TRIM71: variants seen among roughly 807,000 people sequenced by gnomAD.
TRIM71 encodes E3 ubiquitin-protein ligase TRIM71.
In TRIM71, 9 loss-of-function variants were observed where a neutral mutation model predicts 61.2. The ratio of observed to expected loss-of-function variants is 0.15; its 90% CI spans 0.09 to 0.26. The LOEUF (loss-of-function observed/expected upper bound fraction) is 0.26, where lower values mean the gene tolerates loss of function less well. Ranked by LOEUF, TRIM71 falls within the 10% of genes least tolerant of loss-of-function variation. The pLI is 1.00. For synonymous variants in TRIM71, 645 were observed against 553.2 expected (o/e 1.17, Z -2.33); for missense variants, 998 against 1,238.7 (o/e 0.81, Z 2.92).
chr3:32,831,545 TTTTTTTTTTTTGAGACAGA>T (rs1055450861), intron 1 of TRIM71, among the ~76,000 whole-genome samples: 6 of 147,958 alleles, frequency 4.1e-5, no homozygotes, highest in Non-Finnish European at 9.0e-5. Flanking sequence ...CCTTTTTTTT[TTTTTTTTTTTTGAGACAGA>T]GTCTCGCTGG....
At chr3:32,885,192 A>C (rs1255999669) in intron 2 of TRIM71, among the ~76,000 whole-genome samples, 1 of 152,164 alleles carries the variant, frequency 6.6e-6, no homozygotes, top group Non-Finnish European at 1.5e-5. Flanking sequence ...CTGTTGTACC[A>C]AGAGCAATCA....
In TRIM71 at chr3:32,848,998, A is replaced by G. The variant is rs142110677; in HGVS notation, c.853-24820A>G. On this transcript the variant is annotated intron_variant, in intron 1 of 3. Coordinates refer to ENST00000383763, the MANE Select transcript of TRIM71 (RefSeq NM_001039111.3). ...GGAGAGAGGTTAAGATGATATTTAA[A>G]TTTTTTCAAACACTCTTATTTTAGG... 4.0e-3 allele frequency among the ~76,000 whole-genome samples: 612 copies of G among 152,142 alleles called. 3 individuals carry two copies. Among genetic ancestry groups the G allele is most frequent in the Middle Eastern group, 0.014 (4 of 294 alleles).
chr3:32,824,800 T>G (rs1488194717), intron 1 of TRIM71, among the ~76,000 whole-genome samples: 1 of 152,070 alleles, frequency 6.6e-6, no homozygotes, highest in Non-Finnish European at 1.5e-5. Context: ...TCCTTTTCTT[T>G]TCTTTTTTTC....
In TRIM71 at chr3:32,826,582, C is replaced by CTTTTTTTTTTTTTTTTTTTTTTTT. The variant is rs71068090; in HGVS notation, c.852+7672_852+7673insTTTTTTTTTTTTTTTTTTTTTTTT. The stretch of plus-strand genomic sequence containing the variant: ...AACTTTAATTCCCATCAGGTGAGTT[C>CTTTTTTTTTTTTTTTTTTTTTTTT]TTTTTTTTTTTTTTTTTTTTTTGAG... On this transcript the variant is annotated intron_variant, in intron 1 of 3. Coordinates refer to ENST00000383763, the MANE Select transcript of TRIM71 (RefSeq NM_001039111.3). Among the ~76,000 whole-genome samples the CTTTTTTTTTTTTTTTTTTTTTTTT allele has an allele frequency of 4.8e-5, 4 of 83,092 alleles. 1 individual carries two copies. Among genetic ancestry groups the CTTTTTTTTTTTTTTTTTTTTTTTT allele is most frequent in the African/African-American group, 2.1e-4 (4 of 19,382 alleles). The allele number at this position is 83,092 out of a possible 152,430, so 54.5% of individuals were successfully genotyped here. A position where few individuals can be genotyped will look rare whatever the true frequency, so the allele number is the denominator to read the frequency against.
At chr3:32,872,212 A>T (rs6787325) in intron 1 of TRIM71, among the ~76,000 whole-genome samples, 151,255 of 152,350 alleles carry the variant, frequency 0.99, 75,096 homozygotes, top group Middle Eastern at 1. Flanking sequence ...ACTGTTACTT[A>T]ACAAAAGTAA....
chr3:32,880,028 G>A (rs1201519510), intron 2 of TRIM71, among the ~76,000 whole-genome samples: 1 of 151,920 alleles, frequency 6.6e-6, no homozygotes, highest in Non-Finnish European at 1.5e-5. Context: ...AATGAGGTAT[G>A]GCTATAGTTT....
intron 1 of TRIM71, among the ~76,000 whole-genome samples, chr3:32,862,805 C>G (rs1696685851): frequency 6.6e-6 from 1 of 152,200 alleles, no homozygotes; most frequent in Non-Finnish European, 1.5e-5. Context: ...GGGGCGGCAG[C>G]TGGGACACTA....
intron 2 of TRIM71, among the ~76,000 whole-genome samples, chr3:32,876,282 G>A (rs1696851750): frequency 6.6e-6 from 1 of 152,110 alleles, no homozygotes; most frequent in African/African-American, 2.4e-5. Flanking sequence ...CATCGCCTGA[G>A]GAACTTAACC....
rs973117041 is a variant in TRIM71 at position 32,892,545 on chromosome 3, G to A, written c.*734G>A. On this transcript the variant is annotated 3_prime_UTR_variant, in exon 4 of 4. Transcript: ENST00000383763. ...AAAAGCAGACCCTTCATATTTTAGGGTATATAATCTTTGTTTCTTTTAAGG... is the reference window on the plus strand; with the variant it reads ...AAAAGCAGACCCTTCATATTTTAGGATATATAATCTTTGTTTCTTTTAAGG... 2.0e-5 allele frequency: 3 copies of A among 152,060 alleles called. No homozygotes were observed. Among genetic ancestry groups the A allele is most frequent in the African/African-American group, 7.3e-5 (3 of 41,370 alleles). The allele number at this position is 152,060 out of a possible 1,614,324, so 9.4% of individuals were successfully genotyped here. A position where few individuals can be genotyped will look rare whatever the true frequency, so the allele number is the denominator to read the frequency against.
intron 1 of TRIM71, among the ~76,000 whole-genome samples, chr3:32,869,578 T>C (rs1267838608): frequency 6.6e-6 from 1 of 152,252 alleles, no homozygotes; most frequent in Non-Finnish European, 1.5e-5. Context: ...CACACGTTCA[T>C]TAACAAAGCA....
At chr3:32,875,309 T>G (rs921614697) in intron 2 of TRIM71, among the ~76,000 whole-genome samples, 1 of 152,260 alleles carries the variant, frequency 6.6e-6, no homozygotes, top group Non-Finnish European at 1.5e-5. Flanking sequence ...GTAACTTTGA[T>G]AATTGGCAGG....
chr3:32,878,534 G>C (rs2125690262), intron 2 of TRIM71, among the ~76,000 whole-genome samples: 1 of 152,296 alleles, frequency 6.6e-6, no homozygotes, highest in East Asian at 1.9e-4. Context: ...AGAATTGCTG[G>C]AACCCAAGAG....
At chr3:32,887,540 CTCTG>C (rs1696974691) in intron 3 of TRIM71, among the ~76,000 whole-genome samples, 1 of 129,020 alleles carries the variant, frequency 7.8e-6, no homozygotes, top group African/African-American at 3.0e-5. Flanking sequence ...CTTTGCCTGT[CTCTG>C]TCTGGGCATC....
intron 1 of TRIM71, among the ~76,000 whole-genome samples, chr3:32,867,849 C>T (rs377232455): frequency 4.6e-5 from 7 of 152,128 alleles, no homozygotes; most frequent in East Asian, 3.9e-4. Flanking sequence ...TCCAGAGCAT[C>T]GTCTTGGATG....
At chr3:32,866,533 TTGTGTTTTG>T (rs1364622332) in intron 1 of TRIM71, among the ~76,000 whole-genome samples, 3 of 152,118 alleles carry the variant, frequency 2.0e-5, no homozygotes, top group African/African-American at 7.2e-5. Flanking sequence ...GATCAATGCT[TTGTGTTTTG>T]TGTGTTATTA....
intron 2 of TRIM71, among the ~76,000 whole-genome samples, chr3:32,884,142 G>T (rs991804112): frequency 2.6e-5 from 4 of 152,120 alleles, no homozygotes; most frequent in Non-Finnish European, 5.9e-5. Flanking sequence ...ATAAAGACCA[G>T]GTTTCACCAT....
Position 32,818,500 on chromosome 3 carries a change from G to A in TRIM71, c.420G>A (p.Pro140=), listed in dbSNP as rs750040376. The A allele has an allele frequency of 7.0e-7, 1 of 1,420,136 alleles. No individual in the cohort carries two copies. The highest frequency in any genetic ancestry group is 1.4e-5 in the South Asian group (1 of 73,590). 88.0% of individuals were successfully genotyped at this position (1,420,136 alleles called of 1,614,324 possible). The change falls in exon 1 of 4, where the codon CCG becomes CCA. Residue 140 remains proline (P), a synonymous_variant. Coordinates refer to ENST00000383763, the MANE Select transcript of TRIM71 (RefSeq NM_001039111.3). ...CCAAGAACGGGCGCGCCGGCGCTCC[G>A]GCGGGAGCGGGCGGCCACAGCAACC... ...PPPKNGRAGA[P]AGAGGHSNHR...
intron 1 of TRIM71, among the ~76,000 whole-genome samples, chr3:32,870,766 T>A (rs1696786985): frequency 6.6e-6 from 1 of 152,196 alleles, no homozygotes; most frequent in African/African-American, 2.4e-5. Flanking sequence ...GTTACATAGT[T>A]GGAGTCTGGA....
chr3:32,891,837 G>T lies in TRIM71; in HGVS notation c.*26G>T. 1 of 1,602,110 alleles carries T rather than the reference G, an allele frequency of 6.2e-7. No individual in the cohort carries two copies. Among genetic ancestry groups the T allele is most frequent in the South Asian group, 1.1e-5 (1 of 90,284 alleles). Reference sequence around the variant, plus strand: ...TTGCATTTCCTAGGTTTCTGTGTTTGGGGTGTGTGTGCGTGTCTCTCTCTC... The same window carrying T: ...TTGCATTTCCTAGGTTTCTGTGTTTTGGGTGTGTGTGCGTGTCTCTCTCTC... On this transcript the variant is annotated 3_prime_UTR_variant, in exon 4 of 4. Coordinates refer to ENST00000383763, the MANE Select transcript of TRIM71 (RefSeq NM_001039111.3). This position sits in a 1 kb window ranked among gnomAD's most constrained non-coding sequence, Gnocchi z 8.2.
Sources: allele counts gnomAD v4.1 joint callset (sites outside exome capture counted in the v4.1 genomes callset), GRCh38; gene constraint gnomAD v4.1.1; non-coding constraint Gnocchi (gnomAD v3.1); transcripts MANE v1.5; gene names NCBI Gene and HGNC (gene_info 2026-07-23, HGNC 2026-07-21).